The following SYNE1 variants were observed in gnomAD, a reference collection of about 807,000 sequenced individuals.
SYNE1 encodes the protein nesprin-1.
In SYNE1, 616 loss-of-function variants were observed where a neutral mutation model predicts 1,111.0. That is an observed-to-expected ratio of 0.55 (90% CI 0.52 to 0.59). The LOEUF (loss-of-function observed/expected upper bound fraction) is 0.59. SYNE1 is among the 20% of genes least tolerant of loss of function. SYNE1 has a pLI of 0.00. For missense variants in SYNE1, 10,006 were observed against 10,417.0 expected (o/e 0.96, Z 1.72); for synonymous variants, 3,855 against 3,825.8 (o/e 1.01, Z -0.28).
intron 82 of SYNE1, among the ~76,000 whole-genome samples, chr6:152,323,179 G>A (rs994750377): frequency 6.6e-5 from 10 of 152,154 alleles, no homozygotes; most frequent in African/African-American, 2.4e-4. Context: ...GGCCGGGCGC[G>A]GTGGCTCACG....
chr6:152,304,816 A>C (rs2095322457), intron 91 of SYNE1, among the ~76,000 whole-genome samples: 1 of 152,232 alleles, frequency 6.6e-6, no homozygotes, highest in African/African-American at 2.4e-5. Context: ...TTCTTTAAAA[A>C]ATGCAACTCT....
chr6:152,132,895 A>T (rs935756211), intron 143 of SYNE1, among the ~76,000 whole-genome samples: 8 of 150,340 alleles, frequency 5.3e-5, no homozygotes, highest in Non-Finnish European at 7.4e-5. Context: ...TTTTCTGTAT[A>T]CATAATGGAG....
intron 131 of SYNE1, among the ~76,000 whole-genome samples, chr6:152,163,958 C>T (rs2063070109): frequency 6.6e-6 from 1 of 152,144 alleles, no homozygotes. Context: ...ATGGCACAAC[C>T]ATCTTTGTAA....
intron 3 of SYNE1, among the ~76,000 whole-genome samples, chr6:152,540,244 G>C (rs2099263004): frequency 6.6e-6 from 1 of 152,092 alleles, no homozygotes; most frequent in South Asian, 2.1e-4. Flanking sequence ...TTTGCCATTT[G>C]TTAGCCCTAT....
chr6:152,606,694 C>T (rs1002321911), intron 3 of SYNE1, among the ~76,000 whole-genome samples: 9 of 152,180 alleles, frequency 5.9e-5, no homozygotes, highest in Non-Finnish European at 1.5e-5. Context: ...GTCGCCCAGG[C>T]TGGAATGCAG....
intron 3 of SYNE1, among the ~76,000 whole-genome samples, chr6:152,598,128 T>C (rs1423102309): frequency 6.6e-6 from 1 of 152,174 alleles, no homozygotes; most frequent in Non-Finnish European, 1.5e-5. Flanking sequence ...CACCCAAATC[T>C]AATCTTGAAT....
At chr6:152,636,453 TTATCTA>T (rs2099706070) in intron 2 of SYNE1, among the ~76,000 whole-genome samples, 179 bp downstream of exon 2, 2 of 152,100 alleles carry the variant, frequency 1.3e-5, no homozygotes, top group Non-Finnish European at 2.9e-5. Context: ...CCTAGTCTCC[TTATCTA>T]TGAGTATCGC....
chr6:152,196,266 T>C (rs954462868), intron 127 of SYNE1, among the ~76,000 whole-genome samples: 7 of 152,114 alleles, frequency 4.6e-5, no homozygotes, highest in African/African-American at 1.7e-4. Context: ...TTTGGTGCTC[T>C]TTCCTGTTGT....
chr6:152,388,059 G>T (rs1274793284), intron 53 of SYNE1, among the ~76,000 whole-genome samples: 1 of 152,126 alleles, frequency 6.6e-6, no homozygotes, highest in Admixed American at 6.5e-5. Context: ...AAACTCATCT[G>T]CAGTGATTTC....
chr6:152,400,593 G>A (rs1225126803), intron 47 of SYNE1, among the ~76,000 whole-genome samples: 2 of 151,976 alleles, frequency 1.3e-5, no homozygotes, highest in Admixed American at 6.6e-5. Context: ...AACCTGGGAG[G>A]GGAGGTTGCA....
At chr6:152,385,164 A>C (rs60779840) in intron 55 of SYNE1, among the ~76,000 whole-genome samples, 21,007 of 152,038 alleles carry the variant, frequency 0.14, 2,942 homozygotes, top group African/African-American at 0.35. Context: ...CCAGAGTCTG[A>C]AACTCCCCCA....
chr6:152,384,358 T>C (rs997329044), intron 55 of SYNE1, among the ~76,000 whole-genome samples: 5 of 152,112 alleles, frequency 3.3e-5, no homozygotes, highest in African/African-American at 9.7e-5. Context: ...GCAAGTTCCT[T>C]AGGGAATGCA....
chr6:152,474,427 T>C (rs1243376440), intron 14 of SYNE1, among the ~76,000 whole-genome samples: 1 of 152,142 alleles, frequency 6.6e-6, no homozygotes, highest in Non-Finnish European at 1.5e-5. Context: ...GGCAAATATC[T>C]ACACCACTGC....
At chr6:152,182,079 G>A (rs888130387) in intron 128 of SYNE1, among the ~76,000 whole-genome samples, 18 of 152,112 alleles carry the variant, frequency 1.2e-4, no homozygotes, top group Non-Finnish European at 5.9e-5. Context: ...CAAATCCGTT[G>A]CCTGCTTTTT....
chr6:152,257,744 C>A (rs1180496197), intron 101 of SYNE1, among the ~76,000 whole-genome samples: 1 of 151,758 alleles, frequency 6.6e-6, no homozygotes. Flanking sequence ...AAGATCAGTA[C>A]AACTAAAAAT....
chr6:152,328,610 C>A (rs2096154575), intron 78 of SYNE1, among the ~76,000 whole-genome samples: 1 of 151,570 alleles, frequency 6.6e-6, no homozygotes, highest in African/African-American at 2.4e-5. Flanking sequence ...CAGGGTTTCA[C>A]CATGTTGGTC....
At chr6:152,154,768 T>C in intron 133 of SYNE1, 124 bp downstream of exon 133, 2 of 1,088,218 alleles carry the variant, frequency 1.8e-6, no homozygotes, top group Non-Finnish European at 2.8e-6. Context: ...GGCTGCAAAG[T>C]CCTCACGCAG....
chr6:152,364,696 G>GGAAA (rs2154076202), intron 63 of SYNE1, 151 bp downstream of exon 63: 2 of 711,078 alleles, frequency 2.8e-6, no homozygotes, highest in East Asian at 2.8e-5. Context: ...GAGGAAGGAA[G>GGAAA]GAAGGAAGGA....
intron 95 of SYNE1, among the ~76,000 whole-genome samples, chr6:152,285,214 CA>C (rs2094261774): frequency 1.4e-5 from 2 of 143,896 alleles, no homozygotes; most frequent in South Asian, 4.3e-4. Context: ...TCCTCTCCTT[CA>C]CTCACCAGAT....
Sources: allele counts gnomAD v4.1 joint callset (sites outside exome capture counted in the v4.1 genomes callset), GRCh38; gene constraint gnomAD v4.1.1; transcripts MANE v1.5; gene names NCBI Gene and HGNC (gene_info 2026-07-23, HGNC 2026-07-21).